The following GNAZ variants were observed in gnomAD, a reference collection of about 807,000 sequenced individuals.
The protein encoded by GNAZ is guanine nucleotide-binding protein G(z) subunit alpha.
GNAZ carries 3 observed loss-of-function variants against 25.4 expected under a neutral mutation model. The ratio of observed to expected loss-of-function variants is 0.12; its 90% CI spans 0.05 to 0.30. GNAZ has a LOEUF of 0.30. GNAZ is among the 10% of genes least tolerant of loss of function. GNAZ has a pLI of 1.00. For synonymous variants in GNAZ, 211 were observed against 205.7 expected, an observed-to-expected ratio of 1.03 and a Z score of -0.22; for missense variants, 241 against 501.8, an observed-to-expected ratio of 0.48 and a Z score of 4.97.
At chr22:23,093,271 C>T (rs1162281430) in intron 1 of GNAZ, among the ~76,000 whole-genome samples, 2 of 152,178 alleles carry the variant, frequency 1.3e-5, no homozygotes, top group African/African-American at 4.8e-5. Flanking sequence ...GTTTCTAGGG[C>T]GTTCCCTGGT....
chr22:23,076,372 C>G (rs2068507870), intron 1 of GNAZ, among the ~76,000 whole-genome samples: 1 of 152,210 alleles, frequency 6.6e-6, no homozygotes, highest in Admixed American at 6.5e-5. Context: ...CGCAGACAGT[C>G]ATGCCTCAGT....
At chr22:23,103,233 G>A (rs563307028) in intron 2 of GNAZ, among the ~76,000 whole-genome samples, 112 of 152,276 alleles carry the variant, frequency 7.4e-4, no homozygotes, top group African/African-American at 2.4e-3. Flanking sequence ...CAGCCAGGTA[G>A]GAGTAATCAC....
intron 1 of GNAZ, 127 bp downstream of exon 1, chr22:23,070,697 C>G (rs561369849): frequency 6.6e-6 from 1 of 152,216 alleles, no homozygotes; most frequent in East Asian, 1.9e-4. Flanking sequence ...TCCGCCAGGA[C>G]GCAGCGTCAG....
chr22:23,115,920 C>G (rs578103233), intron 2 of GNAZ, among the ~76,000 whole-genome samples: 19 of 152,366 alleles, frequency 1.2e-4, no homozygotes, highest in Admixed American at 9.1e-4. Flanking sequence ...CCCCCTACCC[C>G]CTGGGCCCTG....
chr22:23,120,794 T>C (rs1323398020), intron 2 of GNAZ, among the ~76,000 whole-genome samples: 1 of 152,096 alleles, frequency 6.6e-6, no homozygotes, highest in East Asian at 1.9e-4. Flanking sequence ...GCCCCAGGAC[T>C]CCCACCTCAA....
rs1009494610 is a variant in GNAZ at position 23,123,852 on chromosome 22, G to A, written c.*421G>A. The A allele has an allele frequency of 4.5e-6, 1 of 224,068 alleles. No homozygotes were observed. The highest frequency in any genetic ancestry group is 2.3e-5 in the African/African-American group (1 of 43,904). 13.9% of individuals were successfully genotyped at this position (224,068 alleles called of 1,614,324 possible). A position where few individuals can be genotyped will look rare whatever the true frequency, so the allele number is the denominator to read the frequency against. The stretch of plus-strand genomic sequence containing the variant: ...CCAACTGCACCCCTGTCGCCTGGAG[G>A]AGGGCCAGCTCGCTGCCCGAGCTCT... On this transcript the variant is annotated 3_prime_UTR_variant, in exon 3 of 3. Transcript: ENST00000615612.
chr22:23,077,224 A>G (rs2146258633), intron 1 of GNAZ, among the ~76,000 whole-genome samples: 1 of 152,198 alleles, frequency 6.6e-6, no homozygotes, highest in Admixed American at 6.5e-5. Context: ...CCCCTTCCTT[A>G]GTGACACTGA....
intron 1 of GNAZ, among the ~76,000 whole-genome samples, chr22:23,076,473 G>C (rs1950384736): frequency 1.3e-5 from 2 of 152,194 alleles, no homozygotes; most frequent in Non-Finnish European, 2.9e-5. Context: ...GCTCCTAAGA[G>C]GTTGTACCTT....
Position 23,124,201 on chromosome 22 carries a change from G to T in GNAZ, c.*770G>T, listed in dbSNP as rs56032301. 0.56 allele frequency: 102,248 copies of T among 181,120 alleles called. 29,127 individuals are homozygous for T. Among genetic ancestry groups the T allele is most frequent in the African/African-American group, 0.66 (25,704 of 38,938 alleles). 11.2% of individuals were successfully genotyped at this position (181,120 alleles called of 1,614,324 possible). The stretch of plus-strand genomic sequence containing the variant: ...TTTCCTTCTCTGACATTTTTTTTTT[G>T]TTTTGTTTTTTGGTTTTTTTTTTTT... On this transcript the variant is annotated 3_prime_UTR_variant, in exon 3 of 3. Coordinates refer to ENST00000615612, the MANE Select transcript of GNAZ (RefSeq NM_002073.4).
At chr22:23,082,248 G>A (rs547298159) in intron 1 of GNAZ, among the ~76,000 whole-genome samples, 3 of 151,346 alleles carry the variant, frequency 2.0e-5, no homozygotes, top group African/African-American at 7.3e-5. Context: ...TTTGAGTCTC[G>A]CCCTGTTGAC....
At chr22:23,086,469 G>C (rs571233771) in intron 1 of GNAZ, among the ~76,000 whole-genome samples, 3 of 152,332 alleles carry the variant, frequency 2.0e-5, no homozygotes, top group Admixed American at 1.3e-4. Context: ...CTCCAGCCAC[G>C]GGCCTCTGGA....
At chr22:23,091,700 A>G (rs910041865) in intron 1 of GNAZ, among the ~76,000 whole-genome samples, 2 of 152,206 alleles carry the variant, frequency 1.3e-5, no homozygotes, top group African/African-American at 4.8e-5. Context: ...ACACACACGC[A>G]CCGCAATGGA....
At chr22:23,079,747 A>G (rs1408684904) in intron 1 of GNAZ, among the ~76,000 whole-genome samples, 1 of 152,098 alleles carries the variant, frequency 6.6e-6, no homozygotes, top group Non-Finnish European at 1.5e-5. Context: ...GAGTGGTAGA[A>G]TTCTGGACAG....
At chr22:23,111,162 G>GGCCTCA (rs1280439121) in intron 2 of GNAZ, among the ~76,000 whole-genome samples, 6 of 152,162 alleles carry the variant, frequency 3.9e-5, no homozygotes, top group African/African-American at 1.4e-4. Flanking sequence ...GCCGGGGAGT[G>GGCCTCA]GCCTCACTGT....
chr22:23,122,919 G>T, intron 2 of GNAZ, among the ~76,000 whole-genome samples, 168 bp from the exon 3 acceptor site: 1 of 152,216 alleles, frequency 6.6e-6, no homozygotes, highest in East Asian at 1.9e-4. Flanking sequence ...TCCGTGGGAG[G>T]TGGGTGAAGA....
At chr22:23,105,729 A>G (rs368644171) in intron 2 of GNAZ, among the ~76,000 whole-genome samples, 1 of 152,248 alleles carries the variant, frequency 6.6e-6, no homozygotes, top group Non-Finnish European at 1.5e-5. Context: ...CACCTGTATC[A>G]TGCTGTTTGT....
Position 23,110,949 on chromosome 22 carries a change from C to T in GNAZ, c.724-12138C>T, listed in dbSNP as rs527886403. ...ACCATGTTGTCTGTCCTCTTGTCCA[C>T]TTGGGGTCAGCGACGATTCCATCTA... On this transcript the variant is annotated intron_variant, in intron 2 of 2. Transcript: ENST00000615612. 4.6e-4 allele frequency among the ~76,000 whole-genome samples: 70 copies of T among 152,348 alleles called. 1 individual carries two copies. The highest frequency in any genetic ancestry group is 1.5e-5 in the Non-Finnish European group (1 of 68,036).
At chr22:23,094,250 G>A (rs1472741224) in intron 1 of GNAZ, among the ~76,000 whole-genome samples, 2 of 152,160 alleles carry the variant, frequency 1.3e-5, no homozygotes, top group South Asian at 2.1e-4. Flanking sequence ...GTTGGGTGGG[G>A]CCTGGTGCCA....
rs2069091643 is a variant in GNAZ at position 23,095,255 on chromosome 22, C to T, written c.-441C>T. On this transcript the variant is annotated 5_prime_UTR_variant, in exon 2 of 3. Transcript: ENST00000615612. ...TTCTCTGTGTTTGGCAGGTGAAGGG[C>T]TGGATGCACAGTGGGAGCCGGAGGC... 1 of 187,848 alleles carries T rather than the reference C, an allele frequency of 5.3e-6. No homozygotes were observed. The highest frequency in any genetic ancestry group is 5.5e-5 in the Admixed American group (1 of 18,020). The allele number at this position is 187,848 out of a possible 1,614,324, so 11.6% of individuals were successfully genotyped here.
Sources: gnomAD v4.1 joint callset for allele counts (sites outside exome capture counted in the v4.1 genomes callset) on GRCh38, gnomAD v4.1.1 for gene constraint, MANE v1.5 for transcripts, NCBI Gene and HGNC (gene_info 2026-07-23, HGNC 2026-07-21) for gene names.